The following GOSR1 variants were observed in gnomAD, a reference collection of about 807,000 sequenced individuals.
The protein encoded by GOSR1 is golgi SNAP receptor complex member 1.
A neutral mutation model predicts 35.5 loss-of-function variants in GOSR1; 21 were observed. The ratio of observed to expected loss-of-function variants is 0.59; its 90% CI spans 0.42 to 0.85. The LOEUF is 0.85. Among genes scored for constraint, GOSR1 ranks in the 40% least tolerant of loss-of-function variants. The pLI is 0.00. For missense variants in GOSR1, 285 were observed against 309.6 expected, an observed-to-expected ratio of 0.92 and a Z score of 0.60; for synonymous variants, 94 against 106.6, an observed-to-expected ratio of 0.88 and a Z score of 0.73.
At position 30,477,784 on chromosome 17, in the gene GOSR1, C is replaced by T. The variant is rs149044397; in HGVS notation, c.31+320C>T. ...GAGTAATGGAACTCGGACGAAGGGG[C>T]TTGGGGTACGAACTCTGAGAGGAAA... On this transcript the variant is annotated intron_variant, in intron 1 of 8. Transcript: ENST00000451249. 9.1e-6 allele frequency: 9 copies of T among 985,114 alleles called. No individual in the cohort carries two copies. The East Asian group carries it at 4.5e-4, about 50-fold the overall frequency. 61.0% of individuals were successfully genotyped at this position (985,114 alleles called of 1,614,324 possible).
chr17:30,526,580 C>G lies in GOSR1; in HGVS notation c.*4202C>G, dbSNP rs547707598. The G allele has an allele frequency of 6.6e-6, 1 of 152,612 alleles. No individual in the cohort carries two copies. Among genetic ancestry groups the G allele is most frequent in the Non-Finnish European group, 1.5e-5 (1 of 68,032 alleles). The allele number at this position is 152,612 out of a possible 1,614,324, so 9.5% of individuals were successfully genotyped here. A position where few individuals can be genotyped will look rare whatever the true frequency, so the allele number is the denominator to read the frequency against. On this transcript the variant is annotated 3_prime_UTR_variant, in exon 9 of 9. Transcript: ENST00000451249. ...TCTTAAGGGAGGAGGGAAATCAATT[C>G]CAACCATACTTTCCTGTGATGGAAG...
At chr17:30,498,791 G>T (rs550523976) in intron 6 of GOSR1, among the ~76,000 whole-genome samples, 28 of 152,280 alleles carry the variant, frequency 1.8e-4, no homozygotes, top group African/African-American at 6.5e-4. Flanking sequence ...TGAGCAGTGG[G>T]GGGGCTCTGA....
At chr17:30,509,708 AGT>A (rs1597791916) in intron 6 of GOSR1, among the ~76,000 whole-genome samples, 2 of 152,070 alleles carry the variant, frequency 1.3e-5, no homozygotes, top group Admixed American at 6.5e-5. Flanking sequence ...CTTTCTTTCC[AGT>A]GTGTGCTGCA....
At chr17:30,502,065 G>T (rs1411595928) in intron 6 of GOSR1, among the ~76,000 whole-genome samples, 1 of 152,198 alleles carries the variant, frequency 6.6e-6, no homozygotes, top group Non-Finnish European at 1.5e-5. Context: ...GAAAAGACAT[G>T]GGGGAACTTT....
chr17:30,519,836 A>T, intron 7 of GOSR1, 103 bp from the exon 8 acceptor site: 1 of 708,452 alleles, frequency 1.4e-6, no homozygotes, highest in East Asian at 2.6e-5. Flanking sequence ...GTGCTTTCTA[A>T]GATGATGTTG....
intron 7 of GOSR1, among the ~76,000 whole-genome samples, chr17:30,514,246 G>A (rs1038421693): frequency 2.0e-5 from 3 of 152,106 alleles, no homozygotes; most frequent in Admixed American, 2.0e-4. Flanking sequence ...ATCTTGACTG[G>A]TGATTCTCTA....
Position 30,487,901 on chromosome 17 carries a change from G to A in GOSR1, c.343-2225G>A, listed in dbSNP as rs144032530. Among the ~76,000 whole-genome samples the A allele has an allele frequency of 1.5e-4, 23 of 152,018 alleles. No individual in the cohort carries two copies. The East Asian group carries it at 2.3e-3, about 15-fold the overall frequency. On this transcript the variant is annotated intron_variant, in intron 4 of 8. Coordinates refer to ENST00000451249, the MANE Select transcript of GOSR1 (RefSeq NM_001007025.2). Reference sequence around the variant, plus strand: ...AGCGATTCTTCTGCCTCGGCCTCCCGAGTAGCAGGAACTACAGGTGTGCGC... The same window carrying A: ...AGCGATTCTTCTGCCTCGGCCTCCCAAGTAGCAGGAACTACAGGTGTGCGC...
intron 7 of GOSR1, chr17:30,519,690 T>C: frequency 3.0e-6 from 1 of 338,358 alleles, no homozygotes; most frequent in South Asian, 9.9e-5. Context: ...TTATTTTGTT[T>C]GTTATTTTGA....
chr17:30,521,656 A>G lies in GOSR1; in HGVS notation c.623-598A>G, dbSNP rs185792748. 3.0e-4 allele frequency among the ~76,000 whole-genome samples: 46 copies of G among 152,100 alleles called. No homozygotes were observed. In the East Asian group the frequency reaches 6.6e-3, roughly 22 times the overall value. ...AAAGTTTAGTCCACTTTCCTCCTGT[A>G]TCTGCCTTCTGCTGCGAAGTAACTT... On this transcript the variant is annotated intron_variant, in intron 8 of 8. Coordinates refer to ENST00000451249, the MANE Select transcript of GOSR1 (RefSeq NM_001007025.2).
At position 30,522,410 on chromosome 17, in the gene GOSR1, C is replaced by T. The variant is rs753717493; in HGVS notation, c.*32C>T. On this transcript the variant is annotated 3_prime_UTR_variant, in exon 9 of 9. Coordinates refer to ENST00000451249, the MANE Select transcript of GOSR1 (RefSeq NM_001007025.2). ...ATCTTCAGGGACTCTTGACAGCCAC[C>T]GCTTTCACACCCTGGTCTGGAATAA... 15 of 1,517,208 alleles carry T rather than the reference C, an allele frequency of 9.9e-6. No homozygotes were observed. Among genetic ancestry groups the T allele is most frequent in the Middle Eastern group, 1.8e-4 (1 of 5,528 alleles). The allele number at this position is 1,517,208 out of a possible 1,614,324, so 94.0% of individuals were successfully genotyped here. A position where few individuals can be genotyped will look rare whatever the true frequency, so the allele number is the denominator to read the frequency against.
chr17:30,506,148 G>A (rs181475011), intron 6 of GOSR1, among the ~76,000 whole-genome samples: 2 of 152,260 alleles, frequency 1.3e-5, no homozygotes, highest in African/African-American at 4.8e-5. Context: ...TGACTTTGCA[G>A]TGGCTTGTAA....
intron 5 of GOSR1, among the ~76,000 whole-genome samples, chr17:30,491,222 C>A (rs751032765): frequency 6.6e-6 from 1 of 152,008 alleles, no homozygotes; most frequent in Non-Finnish European, 1.5e-5. Context: ...GACACTGAGC[C>A]CCCCCATAAT....
At chr17:30,508,765 T>G (rs1279790685) in intron 6 of GOSR1, among the ~76,000 whole-genome samples, 3 of 152,230 alleles carry the variant, frequency 2.0e-5, no homozygotes, top group Non-Finnish European at 2.9e-5. Context: ...CAGGTACTGA[T>G]CCAATCACTA....
intron 6 of GOSR1, among the ~76,000 whole-genome samples, chr17:30,497,659 T>C (rs1567905935): frequency 6.6e-6 from 1 of 152,240 alleles, no homozygotes; most frequent in Non-Finnish European, 1.5e-5. Context: ...TACATTAGAA[T>C]TGTGCACCTA....
intron 4 of GOSR1, among the ~76,000 whole-genome samples, chr17:30,489,766 C>G (rs1316312474): frequency 6.6e-6 from 1 of 152,080 alleles, no homozygotes; most frequent in Non-Finnish European, 1.5e-5. Context: ...TGAAAATAAG[C>G]TCTATTAAGT....
chr17:30,494,726 G>A (rs1966928809), intron 6 of GOSR1, among the ~76,000 whole-genome samples: 5 of 148,116 alleles, frequency 3.4e-5, no homozygotes, highest in Admixed American at 1.3e-4. Context: ...TCCTGCCTCA[G>A]CCTCCTAGGT....
At chr17:30,483,820 A>C (rs968430871) in intron 2 of GOSR1, among the ~76,000 whole-genome samples, 4 of 152,258 alleles carry the variant, frequency 2.6e-5, no homozygotes, top group Non-Finnish European at 5.9e-5. Flanking sequence ...TTGAAAAGGC[A>C]ATTTAACACA....
intron 7 of GOSR1, among the ~76,000 whole-genome samples, chr17:30,511,532 AT>A (rs5819904): frequency 0.61 from 89,166 of 146,712 alleles, 27,844 homozygotes; most frequent in East Asian, 0.83. Flanking sequence ...AAACATTTGT[AT>A]TTTTTTTTTT....
In GOSR1 at chr17:30,492,750, G is replaced by T; in HGVS notation, c.506G>T (p.Arg169Leu). 6.4e-7 allele frequency: 1 copy of T among 1,562,096 alleles called. No homozygotes were observed. The highest frequency in any genetic ancestry group is 8.8e-7 in the Non-Finnish European group (1 of 1,132,788). Residue 169 changes from arginine (R) to leucine (L), a missense_variant, in exon 6 of 9, where the codon CGA becomes CTA. Coordinates refer to ENST00000451249, the MANE Select transcript of GOSR1 (RefSeq NM_001007025.2). ...TTTTTGAAAGAACATGACCACCTTC[G>T]AAAGTAGGTATTGAATGTATGTGCA... ...ELFLKEHDHLRNSDRLIEETI... is the reference protein window; with the variant it reads ...ELFLKEHDHLLNSDRLIEETI...
Sources: allele counts gnomAD v4.1 joint callset (sites outside exome capture counted in the v4.1 genomes callset), GRCh38; gene constraint gnomAD v4.1.1; transcripts MANE v1.5; gene names NCBI Gene and HGNC (gene_info 2026-07-23, HGNC 2026-07-21).